ARHGEF3: variants seen among roughly 807,000 people sequenced by gnomAD.
The protein encoded by ARHGEF3 is 59.8 kDA protein.
A neutral mutation model predicts 63.2 loss-of-function variants in ARHGEF3; 28 were observed. That is an observed-to-expected ratio of 0.44 (90% CI 0.33 to 0.61). ARHGEF3 has a LOEUF of 0.61. Among genes scored for constraint, ARHGEF3 ranks in the 20% least tolerant of loss-of-function variants. ARHGEF3 has a pLI of 0.03. For missense variants in ARHGEF3, 533 were observed against 659.3 expected (o/e 0.81, Z 2.10); for synonymous variants, 266 against 254.2 (o/e 1.05, Z -0.44).
At chr3:56,995,989 G>A (rs1461123780) in intron 2 of ARHGEF3, among the ~76,000 whole-genome samples, 1 of 152,070 alleles carries the variant, frequency 6.6e-6, no homozygotes, top group Admixed American at 6.6e-5. Context: ...CAAGGCCCTG[G>A]GGGATTGGAA....
At chr3:56,877,507 G>A (rs957522516) in intron 4 of ARHGEF3, among the ~76,000 whole-genome samples, 3 of 151,672 alleles carry the variant, frequency 2.0e-5, no homozygotes, top group African/African-American at 7.3e-5. Flanking sequence ...AAGTAGCGGC[G>A]ACTACAGCCA....
chr3:56,750,388 C>T (rs2034663991), intron 6 of ARHGEF3, among the ~76,000 whole-genome samples: 2 of 152,184 alleles, frequency 1.3e-5, no homozygotes, highest in African/African-American at 2.4e-5. Flanking sequence ...TCTAAGATCA[C>T]AGCTTACTTC....
intron 2 of ARHGEF3, among the ~76,000 whole-genome samples, chr3:57,034,389 T>G (rs1436383595): frequency 6.6e-6 from 1 of 151,644 alleles, no homozygotes; most frequent in African/African-American, 2.4e-5. Context: ...CTTTGCCTCC[T>G]CTTGGGGGAC....
At chr3:56,946,354 C>T (rs1457721747) in intron 3 of ARHGEF3, among the ~76,000 whole-genome samples, 2 of 152,002 alleles carry the variant, frequency 1.3e-5, no homozygotes, top group East Asian at 1.9e-4. Flanking sequence ...AGTTCAAACC[C>T]ATGGCAAAGA....
At chr3:56,968,198 AT>A (rs1700711202) in intron 2 of ARHGEF3, among the ~76,000 whole-genome samples, 12 of 15,624 alleles carry the variant, frequency 7.7e-4, no homozygotes, top group Admixed American at 1.7e-3. Flanking sequence ...ATTATATATA[AT>A]ATATAAAAAT....
At chr3:56,749,152 G>T (rs1234626586) in intron 6 of ARHGEF3, among the ~76,000 whole-genome samples, 4 of 152,096 alleles carry the variant, frequency 2.6e-5, no homozygotes, top group African/African-American at 9.7e-5. Flanking sequence ...CATTTCTCAC[G>T]AAGTCTGGCA....
chr3:56,972,834 C>G (rs1357951716), intron 2 of ARHGEF3, among the ~76,000 whole-genome samples: 1 of 151,918 alleles, frequency 6.6e-6, no homozygotes, highest in African/African-American at 2.4e-5. Flanking sequence ...AGAAAACAAA[C>G]CTGACCTAAG....
At chr3:56,805,791 C>T (rs1186566524), upstream of ARHGEF3, among the ~76,000 whole-genome samples, 1 of 152,118 alleles carries the variant, frequency 6.6e-6, no homozygotes, top group African/African-American at 2.4e-5. Flanking sequence ...TACTAATGGC[C>T]TGTAACAATT....
chr3:56,738,485 C>T (rs925997863), intron 7 of ARHGEF3, among the ~76,000 whole-genome samples: 3 of 151,914 alleles, frequency 2.0e-5, no homozygotes, highest in Admixed American at 6.6e-5. Flanking sequence ...ATATCTTTTT[C>T]AGTGATATAA....
intron 1 of ARHGEF3, among the ~76,000 whole-genome samples, chr3:56,780,262 A>G (rs1369870019): frequency 6.6e-6 from 1 of 152,208 alleles, no homozygotes; most frequent in Non-Finnish European, 1.5e-5. Context: ...TTTGCTAAAG[A>G]TTATTCCCCC....
chr3:56,828,256 C>T (rs1189896977), intron 4 of ARHGEF3, among the ~76,000 whole-genome samples: 1 of 151,922 alleles, frequency 6.6e-6, no homozygotes, highest in Non-Finnish European at 1.5e-5. Flanking sequence ...GTGTTCATGG[C>T]CGGGCACGGT....
At chr3:56,943,914 A>AG (rs1699321405) in intron 3 of ARHGEF3, among the ~76,000 whole-genome samples, 1 of 84,022 alleles carries the variant, frequency 1.2e-5, no homozygotes. Context: ...ACTCCGACTC[A>AG]AAAAAAAAAA....
chr3:56,974,440 T>C (rs1701044099), intron 2 of ARHGEF3, among the ~76,000 whole-genome samples: 2 of 152,218 alleles, frequency 1.3e-5, no homozygotes, highest in African/African-American at 4.8e-5. Context: ...ATCTGCATCA[T>C]CAGCGGATAG....
At chr3:56,953,806 G>A (rs181367606) in intron 3 of ARHGEF3, among the ~76,000 whole-genome samples, 13 of 152,264 alleles carry the variant, frequency 8.5e-5, no homozygotes, top group African/African-American at 2.6e-4. Context: ...ACATCCATCT[G>A]CAGTAGGAGA....
chr3:56,770,187 G>A (rs1198426958), intron 2 of ARHGEF3, among the ~76,000 whole-genome samples: 2 of 152,006 alleles, frequency 1.3e-5, no homozygotes, highest in Non-Finnish European at 2.9e-5. Flanking sequence ...CTGAGCTGGC[G>A]GATTACCTAA....
chr3:56,846,489 T>C (rs2039496217), intron 4 of ARHGEF3, among the ~76,000 whole-genome samples: 1 of 152,122 alleles, frequency 6.6e-6, no homozygotes, highest in Admixed American at 6.5e-5. Flanking sequence ...TTTTAATAGA[T>C]GTAGTGGGTA....
At position 56,835,522 on chromosome 3, in the gene ARHGEF3, T is replaced by C. The variant is rs368141653; in HGVS notation, c.192+46770A>G. ...CACGTGTACACCCCTATTTCACGCA[T>C]TAAAATTAAATAATTATAAGACATG... On this transcript the variant is annotated intron_variant, in intron 4 of 12. Coordinates refer to the ARHGEF3 transcript ENST00000338458. Among the ~76,000 whole-genome samples, 14 of 152,298 alleles carry C rather than the reference T, an allele frequency of 9.2e-5. 2 individuals carry two copies. Among genetic ancestry groups the C allele is most frequent in the Admixed American group, 5.9e-4 (9 of 15,298 alleles).
At chr3:56,784,270 C>T (rs989170569) in intron 1 of ARHGEF3, among the ~76,000 whole-genome samples, 3 of 152,106 alleles carry the variant, frequency 2.0e-5, no homozygotes, top group South Asian at 2.1e-4. Flanking sequence ...GCCATGGGCC[C>T]GGAGGATGTT....
intron 2 of ARHGEF3, among the ~76,000 whole-genome samples, chr3:57,013,137 C>A (rs575727057): frequency 8.5e-5 from 13 of 152,384 alleles, no homozygotes; most frequent in Non-Finnish European, 1.5e-4. Context: ...GCCCGCCATG[C>A]CTGAGCCCCC....
Sources: allele counts gnomAD v4.1 joint callset (sites outside exome capture counted in the v4.1 genomes callset), GRCh38; gene constraint gnomAD v4.1.1; transcripts MANE v1.5; gene names NCBI Gene and HGNC (gene_info 2026-07-23, HGNC 2026-07-21).